ACOT11: variants seen among roughly 807,000 people sequenced by gnomAD.
ACOT11 encodes acyl-CoA thioesterase 11, also known as acyl-coenzyme A thioesterase 11.
In ACOT11, 69 loss-of-function variants were observed where a neutral mutation model predicts 77.5. The observed-to-expected ratio is 0.89, with a 90% CI of 0.73 to 1.09. The LOEUF is 1.09. Among genes scored for constraint, ACOT11 ranks in the 50% least tolerant of loss-of-function variants. The pLI is 0.00. For synonymous variants in ACOT11, 279 were observed against 313.0 expected (o/e 0.89, Z 1.15); for missense variants, 766 against 813.7 (o/e 0.94, Z 0.71).
intron 1 of ACOT11, chr1:54,548,626 G>C: frequency 1.8e-6 from 1 of 542,522 alleles, no homozygotes. Flanking sequence ...TTCGGTGGGT[G>C]TATGTTTCTC....
intron 1 of ACOT11, among the ~76,000 whole-genome samples, chr1:54,580,508 G>A (rs1290599798): frequency 6.6e-6 from 1 of 152,160 alleles, no homozygotes; most frequent in Non-Finnish European, 1.5e-5. Context: ...CACATCACCT[G>A]AACCCTTTGC....
intron 8 of ACOT11, among the ~76,000 whole-genome samples, chr1:54,600,772 G>A (rs1021781193): frequency 1.3e-5 from 2 of 152,242 alleles, no homozygotes; most frequent in South Asian, 2.1e-4. Flanking sequence ...CACAGCACTT[G>A]TAAATATGCA....
intron 11 of ACOT11, 80 bp from the exon 12 acceptor site, chr1:54,604,266 C>G (rs1643999171): frequency 2.2e-6 from 3 of 1,381,864 alleles, no homozygotes; most frequent in Non-Finnish European, 3.1e-6. Context: ...CCAGGTTCCT[C>G]TCTGGCACAC....
chr1:54,592,437 T>C (rs748225162), intron 3 of ACOT11, 109 bp from the exon 4 acceptor site: 1 of 1,068,384 alleles, frequency 9.4e-7, no homozygotes, highest in Non-Finnish European at 1.4e-6. Context: ...CTGCAAGCCA[T>C]GAAGTTATCC....
intron 1 of ACOT11, among the ~76,000 whole-genome samples, chr1:54,562,095 C>A (rs1653525803): frequency 3.4e-5 from 1 of 29,096 alleles, no homozygotes; most frequent in Non-Finnish European, 7.2e-5. Context: ...GGGGGGCTGA[C>A]CCCCCCAACC....
Position 54,584,542 on chromosome 1 carries a change from G to A in ACOT11, c.34-113G>A. 1.0e-6 allele frequency: 1 copy of A among 994,382 alleles called. No individual in the cohort carries two copies. The highest frequency in any genetic ancestry group is 1.5e-6 in the Non-Finnish European group (1 of 672,562). The allele number at this position is 994,382 out of a possible 1,614,324, so 61.6% of individuals were successfully genotyped here. A position where few individuals can be genotyped will look rare whatever the true frequency, so the allele number is the denominator to read the frequency against. On this transcript the variant is annotated intron_variant, in intron 1 of 15. Transcript: ENST00000343744. The surrounding 1 kb of genome is among the most constrained non-coding windows in gnomAD (Gnocchi z 6.3). ...CTCGGGTTGGGGTCTGGTGGGAGGT[G>A]GCCCTAGGTACTCTCTCTCCCCCAG...
Position 54,603,858 on chromosome 1 carries a change from C to T in ACOT11, c.1086-13C>T, listed in dbSNP as rs1643993372. The T allele has an allele frequency of 6.2e-7, 1 of 1,613,850 alleles. No homozygotes were observed. The highest frequency in any genetic ancestry group is 8.5e-7 in the Non-Finnish European group (1 of 1,179,800). On this transcript the variant is annotated splice_polypyrimidine_tract_variant and intron_variant, in intron 10 of 15. Transcript: ENST00000343744. ...TCCAGGGGACCAAGGTTGTCATCTT[C>T]TCTCCTTCCCAGGAAGTACATCGTG...
downstream of ACOT11, chr1:54,614,770 G>C: frequency 6.2e-7 from 1 of 1,614,150 alleles, no homozygotes; most frequent in Non-Finnish European, 8.5e-7. Flanking sequence ...ATCCATATGG[G>C]CCGCCGGACT....
downstream of ACOT11, chr1:54,610,429 G>C: frequency 6.2e-7 from 1 of 1,613,514 alleles, no homozygotes; most frequent in Non-Finnish European, 8.5e-7. Flanking sequence ...GGTCATTGTT[G>C]CTGTTTTACC....
At chr1:54,612,736 C>T, downstream of ACOT11, 1 of 1,584,466 alleles carries the variant, frequency 6.3e-7, no homozygotes, top group East Asian at 2.2e-5. Flanking sequence ...AGATGTTGGT[C>T]TCACGGAGCT....
intron 7 of ACOT11, 115 bp from the exon 8 acceptor site, chr1:54,599,181 A>AATATATATATATAT (rs1189803916): frequency 1.5e-4 from 5 of 33,986 alleles, no homozygotes; most frequent in South Asian, 2.5e-3. Context: ...AAAAAAAAAA[A>AATATATATATATAT]ATATATATAT....
At chr1:54,572,347 C>T (rs974122726) in intron 1 of ACOT11, among the ~76,000 whole-genome samples, 2 of 152,064 alleles carry the variant, frequency 1.3e-5, no homozygotes, top group East Asian at 1.9e-4. Flanking sequence ...TGGTAGGGCC[C>T]GGGTCCATTG....
intron 1 of ACOT11, among the ~76,000 whole-genome samples, chr1:54,583,950 C>G (rs57404209): frequency 0.11 from 16,202 of 152,178 alleles, 1,266 homozygotes; most frequent in African/African-American, 0.21. Context: ...CACCCCACCT[C>G]TTCTGCTTGG....
intron 1 of ACOT11, among the ~76,000 whole-genome samples, chr1:54,561,182 G>A (rs1383907798): frequency 7.1e-6 from 1 of 141,622 alleles, no homozygotes; most frequent in Non-Finnish European, 1.5e-5. Context: ...GGACAATAGT[G>A]GAGGGAAGGT....
In ACOT11 at chr1:54,607,718, GTCAGGTT is replaced by G. The variant is rs1644045506; in HGVS notation, c.1503-223_1503-217del. Among the ~76,000 whole-genome samples, 1 of 152,052 alleles carries G rather than the reference GTCAGGTT, an allele frequency of 6.6e-6. No individual in the cohort carries two copies. Among genetic ancestry groups the G allele is most frequent in the Non-Finnish European group, 1.5e-5 (1 of 67,980 alleles). On this transcript the variant is annotated intron_variant, in intron 14 of 15. Coordinates refer to ENST00000343744, the MANE Select transcript of ACOT11 (RefSeq NM_147161.4). The surrounding 1 kb of genome is among the most constrained non-coding windows in gnomAD (Gnocchi z 4.5). Reference sequence around the variant, plus strand: ...GCTTTTCCAGAAAGTCCACAGTGAAGTCAGGTTGGCTCCTGGTGAATTCAGTGCTAAC... The same window carrying G: ...GCTTTTCCAGAAAGTCCACAGTGAAGGGCTCCTGGTGAATTCAGTGCTAAC...
At chr1:54,596,855 A>G (rs1341974052) in intron 6 of ACOT11, among the ~76,000 whole-genome samples, 1 of 152,228 alleles carries the variant, frequency 6.6e-6, no homozygotes, top group Admixed American at 6.5e-5. Flanking sequence ...GATTACAGGC[A>G]TGAGCCATTA....
chr1:54,552,398 T>C (rs1653102075), intron 1 of ACOT11, among the ~76,000 whole-genome samples: 1 of 151,882 alleles, frequency 6.6e-6, no homozygotes, highest in South Asian at 2.1e-4. Flanking sequence ...GAGGAAGAGG[T>C]GAGACTTGAA....
Position 54,584,860 on chromosome 1 carries a change from C to A in ACOT11, c.239C>A (p.Ser80Tyr), listed in dbSNP as rs1426537221. Reference sequence around the variant, plus strand: ...TGGATTGACACCACGGCTTGCCTGTCCGGTAAGGCTGCGCTCCCCATGGTT... The same window carrying A: ...TGGATTGACACCACGGCTTGCCTGTACGGTAAGGCTGCGCTCCCCATGGTT... ...LKWIDTTACL[S>Y]AERHAGCPCV... Residue 80 changes from serine to tyrosine, a missense_variant and splice_region_variant, in exon 2 of 16, where the codon TCC becomes TAC. Transcript: ENST00000343744. This position sits in a 1 kb window ranked among gnomAD's most constrained non-coding sequence, Gnocchi z 6.3. 1.2e-6 allele frequency: 2 copies of A among 1,612,072 alleles called. No homozygotes were observed. Among genetic ancestry groups the A allele is most frequent in the East Asian group, 4.5e-5 (2 of 44,790 alleles).
downstream of ACOT11, among the ~76,000 whole-genome samples, chr1:54,612,034 G>A (rs1644123816): frequency 6.6e-6 from 1 of 151,568 alleles, no homozygotes. Flanking sequence ...CAGGACAGAT[G>A]GGGGAGGGTG....
Sources: allele counts gnomAD v4.1 joint callset (sites outside exome capture counted in the v4.1 genomes callset), GRCh38; gene constraint gnomAD v4.1.1; non-coding constraint Gnocchi (gnomAD v3.1); transcripts MANE v1.5; gene names NCBI Gene and HGNC (gene_info 2026-07-23, HGNC 2026-07-21).